The following ASAP1 variants were observed in gnomAD, a reference collection of about 807,000 sequenced individuals.
The protein encoded by ASAP1 is arf-GAP with SH3 domain, ANK repeat and PH domain-containing protein 1.
ASAP1 carries 43 observed loss-of-function variants against 145.2 expected under a neutral mutation model. The ratio of observed to expected loss-of-function variants is 0.30; its 90% CI spans 0.23 to 0.38. The LOEUF is 0.38. Ranked by LOEUF, ASAP1 falls within the 10% of genes least tolerant of loss-of-function variation. The pLI is 1.00. For synonymous variants in ASAP1, 546 were observed against 515.5 expected (o/e 1.06, Z -0.80); for missense variants, 1,018 against 1,355.3 (o/e 0.75, Z 3.91).
intron 4 of ASAP1, among the ~76,000 whole-genome samples, chr8:130,215,560 G>A (rs937511428): frequency 3.9e-5 from 6 of 152,108 alleles, no homozygotes; most frequent in Admixed American, 2.0e-4. Flanking sequence ...TGACTAACAC[G>A]GTGAAACCCC....
intron 3 of ASAP1, among the ~76,000 whole-genome samples, chr8:130,350,317 G>A (rs1565234516): frequency 2.0e-5 from 3 of 152,072 alleles, no homozygotes; most frequent in Non-Finnish European, 2.9e-5. Context: ...CCCTGGGTTG[G>A]GCAGCCCTGA....
At chr8:130,347,797 G>A (rs1825783738) in intron 3 of ASAP1, among the ~76,000 whole-genome samples, 1 of 152,140 alleles carries the variant, frequency 6.6e-6, no homozygotes, top group South Asian at 2.1e-4. Flanking sequence ...GAATAATTTG[G>A]TGCGAGCTGC....
Position 130,053,840 on chromosome 8 carries a change from G to A in ASAP1, c.*891C>T, listed in dbSNP as rs757279332. 4.6e-5 allele frequency: 7 copies of A among 152,202 alleles called. No individual in the cohort carries two copies. 9.4% of individuals were successfully genotyped at this position (152,202 alleles called of 1,614,324 possible). A position where few individuals can be genotyped will look rare whatever the true frequency, so the allele number is the denominator to read the frequency against. ...ATATTGTTGCAACCTTATAATTTCT[G>A]CTTTAATGGCAATCAAGTTTAAAAA... On this transcript the variant is annotated 3_prime_UTR_variant, in exon 30 of 30. Coordinates refer to ENST00000518721, the MANE Select transcript of ASAP1 (RefSeq NM_018482.4).
chr8:130,328,253 T>C (rs1207947525), intron 3 of ASAP1, among the ~76,000 whole-genome samples: 1 of 152,130 alleles, frequency 6.6e-6, no homozygotes, highest in Admixed American at 6.6e-5. Context: ...TAGTATGTAG[T>C]GCCACAACAG....
chr8:130,088,827 GTTC>G (rs1173481271), intron 25 of ASAP1, among the ~76,000 whole-genome samples: 1 of 152,120 alleles, frequency 6.6e-6, no homozygotes, highest in East Asian at 1.9e-4. Context: ...CTTTTTATGT[GTTC>G]TTCTCATTTA....
intron 29 of ASAP1, 30 bp from the exon 30 acceptor site, chr8:130,054,835 G>C (rs2097400147): frequency 6.3e-7 from 1 of 1,588,352 alleles, no homozygotes; most frequent in African/African-American, 1.3e-5. Flanking sequence ...TGGTCAGGAT[G>C]GAGGCAGCAG....
At chr8:130,410,193 T>C (rs965967363) in intron 1 of ASAP1, among the ~76,000 whole-genome samples, 1 of 152,118 alleles carries the variant, frequency 6.6e-6, no homozygotes, top group African/African-American at 2.4e-5. Context: ...GTTAGCAAAA[T>C]AGACGTGGTC....
chr8:130,310,733 G>A (rs553615924), intron 3 of ASAP1, among the ~76,000 whole-genome samples: 1 of 151,928 alleles, frequency 6.6e-6, no homozygotes, highest in Admixed American at 6.5e-5. Context: ...ATGTTAAACA[G>A]TACTACTTCA....
chr8:130,066,755 G>A (rs1465120276), intron 27 of ASAP1, among the ~76,000 whole-genome samples: 1 of 152,150 alleles, frequency 6.6e-6, no homozygotes, highest in African/African-American at 2.4e-5. Flanking sequence ...GATGTAAACT[G>A]CAAGTGCCCT....
At chr8:130,257,696 G>A (rs892702073) in intron 3 of ASAP1, among the ~76,000 whole-genome samples, 2 of 151,528 alleles carry the variant, frequency 1.3e-5, no homozygotes, top group Non-Finnish European at 2.9e-5. Flanking sequence ...AATTCAAAAA[G>A]CATTAATATA....
intron 3 of ASAP1, among the ~76,000 whole-genome samples, chr8:130,317,106 C>A (rs867975008): frequency 1.1e-4 from 16 of 143,584 alleles, no homozygotes; most frequent in Middle Eastern, 3.7e-3. Context: ...TTTTTTTAAT[C>A]TCTACAGCTG....
chr8:130,410,121 C>T (rs73711697), intron 1 of ASAP1, among the ~76,000 whole-genome samples: 11,997 of 152,238 alleles, frequency 0.079, 592 homozygotes, highest in African/African-American at 0.12. Flanking sequence ...TGGGAAAATG[C>T]ATCTATTCAT....
chr8:130,155,578 C>T (rs1315886801), intron 12 of ASAP1, among the ~76,000 whole-genome samples: 1 of 152,194 alleles, frequency 6.6e-6, no homozygotes, highest in East Asian at 1.9e-4. Flanking sequence ...GGCTGGTGGG[C>T]TCACGTGATC....
chr8:130,130,630 A>G (rs1019446146), intron 15 of ASAP1, among the ~76,000 whole-genome samples: 4 of 152,200 alleles, frequency 2.6e-5, no homozygotes, highest in African/African-American at 9.6e-5. Flanking sequence ...GTTTTATAAG[A>G]TAAAAAATAA....
intron 3 of ASAP1, among the ~76,000 whole-genome samples, chr8:130,277,280 T>C (rs1253179611): frequency 1.3e-5 from 2 of 152,050 alleles, no homozygotes; most frequent in East Asian, 3.9e-4. Context: ...TAAAAGATGG[T>C]TTCCTGTAGC....
chr8:130,079,989 G>A lies in ASAP1; in HGVS notation c.2573-18C>T. The A allele has an allele frequency of 2.5e-6, 4 of 1,608,424 alleles. No individual in the cohort carries two copies. The highest frequency in any genetic ancestry group is 3.4e-6 in the Non-Finnish European group (4 of 1,174,918). On this transcript the variant is annotated intron_variant, in intron 25 of 29. Transcript: ENST00000518721. ...ATCGTTACCTACAAGGAAAACCGAA[G>A]GTGAAAAGGTATGTCTTTAGATGGG... is the stretch of plus-strand genomic sequence containing the variant.
At chr8:130,222,937 T>G (rs543588861) in intron 4 of ASAP1, among the ~76,000 whole-genome samples, 2 of 152,200 alleles carry the variant, frequency 1.3e-5, no homozygotes, top group South Asian at 4.1e-4. Context: ...AGATGCCAAG[T>G]GATTGAGAAA....
chr8:130,139,898 A>G (rs796265395), intron 13 of ASAP1, among the ~76,000 whole-genome samples: 21 of 150,878 alleles, frequency 1.4e-4, no homozygotes, highest in African/African-American at 5.1e-4. Context: ...ACCAACAGAT[A>G]CAACCAAGAG....
intron 2 of ASAP1, among the ~76,000 whole-genome samples, chr8:130,372,794 G>A (rs1026213865): frequency 2.0e-5 from 3 of 152,162 alleles, no homozygotes; most frequent in Admixed American, 2.0e-4. Flanking sequence ...AGAGAATTCA[G>A]ATTGAAATGT....
Sources: gnomAD v4.1 joint callset for allele counts (sites outside exome capture counted in the v4.1 genomes callset) on GRCh38, gnomAD v4.1.1 for gene constraint, MANE v1.5 for transcripts, NCBI Gene and HGNC (gene_info 2026-07-23, HGNC 2026-07-21) for gene names.